MARCHF1: variants seen among roughly 807,000 people sequenced by gnomAD.
MARCHF1 encodes the protein membrane associated ring-CH-type finger 1.
Under a neutral mutation model 54.2 loss-of-function variants are expected in MARCHF1, and 40 were observed. The ratio of observed to expected loss-of-function variants is 0.74; its 90% CI spans 0.57 to 0.96. The LOEUF (loss-of-function observed/expected upper bound fraction) is 0.96, where lower values mean the gene tolerates loss of function less well. Ranked by LOEUF, MARCHF1 falls within the 40% of genes least tolerant of loss-of-function variation. The pLI is 0.00. For synonymous variants in MARCHF1, 236 were observed against 236.3 expected (o/e 1.00, Z 0.01); for missense variants, 586 against 656.5 (o/e 0.89, Z 1.17).
chr4:164,157,181 ATAT>A (rs760578651), intron 1 of MARCHF1, among the ~76,000 whole-genome samples: 23 of 151,748 alleles, frequency 1.5e-4, no homozygotes, highest in East Asian at 1.2e-3. Context: ...ATATTAAAAG[ATAT>A]TATGGTATAT....
At chr4:164,282,215 G>A (rs1173618243) in intron 1 of MARCHF1, among the ~76,000 whole-genome samples, 1 of 150,530 alleles carries the variant, frequency 6.6e-6, no homozygotes, top group Non-Finnish European at 1.5e-5. Context: ...ACTCCTTTCT[G>A]TATCATTTGA....
chr4:163,791,256 T>C (rs1747767104), intron 4 of MARCHF1, among the ~76,000 whole-genome samples: 1 of 152,132 alleles, frequency 6.6e-6, no homozygotes, highest in Non-Finnish European at 1.5e-5. Context: ...ACTGTACTTT[T>C]ACAGGCTACT....
At chr4:163,899,761 A>G (rs1579377595) in intron 3 of MARCHF1, among the ~76,000 whole-genome samples, 1 of 31,496 alleles carries the variant, frequency 3.2e-5, no homozygotes, top group Non-Finnish European at 7.3e-5. Context: ...AGTCTCACCC[A>G]CTACACACAC....
intron 1 of MARCHF1, among the ~76,000 whole-genome samples, chr4:164,239,892 A>G (rs1435027804): frequency 6.6e-6 from 1 of 152,202 alleles, no homozygotes. Flanking sequence ...ACCATTCTTA[A>G]TACTATGATT....
intron 7 of MARCHF1, among the ~76,000 whole-genome samples, chr4:163,602,039 TA>T (rs1245194414): frequency 6.6e-6 from 1 of 152,004 alleles, no homozygotes; most frequent in Non-Finnish European, 1.5e-5. Context: ...GGCATATCTT[TA>T]AAATATATAA....
intron 2 of MARCHF1, among the ~76,000 whole-genome samples, chr4:163,994,920 T>A (rs1450859815): frequency 6.6e-6 from 1 of 152,080 alleles, no homozygotes; most frequent in South Asian, 2.1e-4. Flanking sequence ...AAAAACACCC[T>A]CAAACTGTGA....
intron 1 of MARCHF1, among the ~76,000 whole-genome samples, chr4:164,243,780 A>T (rs1205507071): frequency 6.6e-6 from 1 of 152,210 alleles, no homozygotes; most frequent in Non-Finnish European, 1.5e-5. Context: ...AAGCCAATGG[A>T]AAACAAAAAA....
chr4:163,600,527 C>T (rs780907865), intron 7 of MARCHF1, among the ~76,000 whole-genome samples: 11 of 152,142 alleles, frequency 7.2e-5, no homozygotes, highest in Non-Finnish European at 1.3e-4. Context: ...CTGATTGGAA[C>T]AAAGAGTCCT....
intron 8 of MARCHF1, among the ~76,000 whole-genome samples, chr4:163,546,611 T>C (rs1738915435): frequency 6.6e-6 from 1 of 152,230 alleles, no homozygotes; most frequent in Admixed American, 6.5e-5. Flanking sequence ...TTCACAACTA[T>C]TATAGAAAAA....
At chr4:164,024,367 C>T (rs909169060) in intron 2 of MARCHF1, among the ~76,000 whole-genome samples, 2 of 152,064 alleles carry the variant, frequency 1.3e-5, no homozygotes, top group African/African-American at 4.8e-5. Context: ...CAAGGGAACC[C>T]CCATCAGGCT....
At chr4:163,636,088 C>T (rs1265444779) in intron 5 of MARCHF1, among the ~76,000 whole-genome samples, 20 of 152,068 alleles carry the variant, frequency 1.3e-4, no homozygotes, top group Non-Finnish European at 1.2e-4. Context: ...ATCGATGGGA[C>T]GTATTTCAAA....
At chr4:163,966,368 T>G (rs1205677153) in intron 3 of MARCHF1, among the ~76,000 whole-genome samples, 3 of 152,066 alleles carry the variant, frequency 2.0e-5, no homozygotes, top group Non-Finnish European at 2.9e-5. Flanking sequence ...TTTTACCTAA[T>G]TAATAGAATG....
intron 4 of MARCHF1, among the ~76,000 whole-genome samples, chr4:163,707,629 C>T (rs1166038842): frequency 1.3e-5 from 2 of 151,590 alleles, no homozygotes; most frequent in African/African-American, 4.8e-5. Context: ...TTTTCTTCTG[C>T]AATATCATTG....
At chr4:163,725,667 G>A (rs1480381533) in intron 4 of MARCHF1, among the ~76,000 whole-genome samples, 1 of 152,120 alleles carries the variant, frequency 6.6e-6, no homozygotes, top group Non-Finnish European at 1.5e-5. Context: ...AGACAGTATA[G>A]AACAGCATGT....
intron 2 of MARCHF1, among the ~76,000 whole-genome samples, chr4:164,038,798 A>G (rs1754065638): frequency 6.6e-6 from 1 of 152,228 alleles, no homozygotes. Flanking sequence ...TTAATACCAT[A>G]GCTGATTTTA....
intron 3 of MARCHF1, among the ~76,000 whole-genome samples, chr4:163,935,429 C>T (rs1332325706): frequency 1.3e-5 from 2 of 152,184 alleles, no homozygotes; most frequent in African/African-American, 4.8e-5. Flanking sequence ...TTCTGGATAA[C>T]TTGCTGAAGC....
At chr4:164,074,154 T>G (rs990344207) in intron 2 of MARCHF1, among the ~76,000 whole-genome samples, 3 of 152,206 alleles carry the variant, frequency 2.0e-5, no homozygotes, top group African/African-American at 4.8e-5. Flanking sequence ...ACAATGCAAA[T>G]TAATTAGCCT....
chr4:163,648,312 ATTAGG>A (rs1742833205), intron 5 of MARCHF1, among the ~76,000 whole-genome samples: 1 of 151,952 alleles, frequency 6.6e-6, no homozygotes, highest in African/African-American at 2.4e-5. Flanking sequence ...GTTTCAAGAT[ATTAGG>A]CTTGATTGTT....
chr4:163,626,197 G>T (rs1409460181), intron 5 of MARCHF1, among the ~76,000 whole-genome samples: 1 of 152,186 alleles, frequency 6.6e-6, no homozygotes, highest in Non-Finnish European at 1.5e-5. Flanking sequence ...ATAATTAAAG[G>T]CAGTAATTTC....
Sources: allele counts gnomAD v4.1 joint callset (sites outside exome capture counted in the v4.1 genomes callset), GRCh38; gene constraint gnomAD v4.1.1; transcripts MANE v1.5; gene names NCBI Gene and HGNC (gene_info 2026-07-23, HGNC 2026-07-21).